Variants in ADAD1 observed in about 807,000 individuals in gnomAD.
ADAD1 encodes adenosine deaminase domain containing 1, also known as adenosine deaminase domain-containing protein 1.
Under a neutral mutation model 66.8 loss-of-function variants are expected in ADAD1, and 46 were observed. That is an observed-to-expected ratio of 0.69 (90% CI 0.54 to 0.88). The LOEUF is 0.88. Ranked by LOEUF, ADAD1 falls within the 40% of genes least tolerant of loss-of-function variation. The pLI is 0.00. For synonymous variants in ADAD1, 248 were observed against 229.4 expected (o/e 1.08, Z -0.73); for missense variants, 617 against 681.8 (o/e 0.91, Z 1.06).
Position 122,407,927 on chromosome 4 carries a change from A to C in ADAD1, c.744A>C (p.Val248=). ...IIERAGQHEV[V]AIGTGEYNYS... ...TTTCAGCTGGACAACATGAGGTTGT[A>C]GCTATAGGCACAGGTGAATACAATT... Residue 248 remains valine (V), a synonymous_variant, in exon 8 of 13, where the codon GTA becomes GTC. Coordinates refer to ENST00000296513, the MANE Select transcript of ADAD1 (RefSeq NM_139243.4). 6.2e-7 allele frequency: 1 copy of C among 1,613,514 alleles called. No homozygotes were observed. The highest frequency in any genetic ancestry group is 8.5e-7 in the Non-Finnish European group (1 of 1,179,646).
At chr4:122,395,631 C>T (rs1286566168) in intron 6 of ADAD1, among the ~76,000 whole-genome samples, 1 of 151,340 alleles carries the variant, frequency 6.6e-6, no homozygotes, top group Non-Finnish European at 1.5e-5. Context: ...TGCCACTGCA[C>T]TCCAGTCTGG....
rs185167794 is a variant in ADAD1 at position 122,416,101 on chromosome 4, C to T, written c.1487+485C>T. Among the ~76,000 whole-genome samples, 8 of 152,184 alleles carry T rather than the reference C, an allele frequency of 5.3e-5. No homozygotes were observed. In the South Asian group the frequency reaches 1.0e-3, roughly 20 times the overall value. Reference sequence around the variant, plus strand: ...ACTGTGTTATACTGTCTTATAATAACCCTGTAGGTTGAGAGATTTTATTTA... The same window carrying T: ...ACTGTGTTATACTGTCTTATAATAATCCTGTAGGTTGAGAGATTTTATTTA... On this transcript the variant is annotated intron_variant, in intron 11 of 12. Coordinates refer to ENST00000296513, the MANE Select transcript of ADAD1 (RefSeq NM_139243.4).
In ADAD1 at chr4:122,385,146, C is replaced by G. The variant is rs189494469; in HGVS notation, c.529+1180C>G. On this transcript the variant is annotated intron_variant, in intron 5 of 12. Coordinates refer to ENST00000296513, the MANE Select transcript of ADAD1 (RefSeq NM_139243.4). ...TAACAATTTTTCTAGTCTTCTCCTT[C>G]TTATTCACAACATAAAACTTTTAAA... is the stretch of plus-strand genomic sequence containing the variant. Among the ~76,000 whole-genome samples the G allele has an allele frequency of 1.1e-4, 16 of 152,208 alleles. No homozygotes were observed. The South Asian group carries it at 1.2e-3, about 12-fold the overall frequency.
rs1338848383 is a variant in ADAD1, at chr4:122,392,388, T to A, written c.530-1201T>A. ...TGCAGCCATTAAAAAAATAAAGTCA[T>A]GTCCTTTGCAGCAACATGGATGGAG... On this transcript the variant is annotated intron_variant, in intron 5 of 12. Transcript: ENST00000296513. 3.3e-5 allele frequency among the ~76,000 whole-genome samples: 5 copies of A among 152,276 alleles called. No homozygotes were observed. The South Asian group carries it at 6.2e-4, about 19-fold the overall frequency.
At chr4:122,381,673 C>G (rs1794904030) in intron 4 of ADAD1, among the ~76,000 whole-genome samples, 1 of 152,154 alleles carries the variant, frequency 6.6e-6, no homozygotes, top group Non-Finnish European at 1.5e-5. Context: ...AATCTGTAAC[C>G]ATGCTGTGCC....
chr4:122,384,501 A>G (rs1795066506), intron 5 of ADAD1, among the ~76,000 whole-genome samples: 1 of 152,188 alleles, frequency 6.6e-6, no homozygotes, highest in South Asian at 2.1e-4. Context: ...AGTGATAGTT[A>G]TACCTTCTGT....
At chr4:122,389,074 C>T (rs1795318131) in intron 5 of ADAD1, among the ~76,000 whole-genome samples, 1 of 152,066 alleles carries the variant, frequency 6.6e-6, no homozygotes, top group African/African-American at 2.4e-5. Context: ...TCTCTTTGTT[C>T]TTATTGGTTT....
rs138929556 is a variant in ADAD1, at chr4:122,398,437, G to A, written c.724+2060G>A. Among the ~76,000 whole-genome samples, 3 of 152,110 alleles carry A rather than the reference G, an allele frequency of 2.0e-5. No homozygotes were observed. The East Asian group carries it at 5.8e-4, about 29-fold the overall frequency. Reference sequence around the variant, plus strand: ...AGTTGCAAATTGTGCTGCTATAAACGTGTGTGCAAGTGTCTTTTTCATATA... The same window carrying A: ...AGTTGCAAATTGTGCTGCTATAAACATGTGTGCAAGTGTCTTTTTCATATA... On this transcript the variant is annotated intron_variant, in intron 7 of 12. Coordinates refer to ENST00000296513, the MANE Select transcript of ADAD1 (RefSeq NM_139243.4).
chr4:122,408,722 A>T (rs1338532686), intron 8 of ADAD1, among the ~76,000 whole-genome samples: 1 of 152,040 alleles, frequency 6.6e-6, no homozygotes, highest in Non-Finnish European at 1.5e-5. Flanking sequence ...TAGTTTCTAC[A>T]AAAAAATAAA....
At position 122,396,268 on chromosome 4, in the gene ADAD1, A is replaced by T; in HGVS notation, c.615A>T (p.Gln205His). ...SKVHYEGRHI[Q>H]YAKISQIVKE... Reference sequence around the variant, plus strand: ...TTTTTCTAGAAGGGAGACATATTCAATATGCAAAGATTTCACAGATCGTTA... The same window carrying T: ...TTTTTCTAGAAGGGAGACATATTCATTATGCAAAGATTTCACAGATCGTTA... The change falls in exon 7 of 13, where the codon CAA becomes CAT. Residue 205 changes from glutamine (Q) to histidine (H), a missense_variant. Coordinates refer to ENST00000296513, the MANE Select transcript of ADAD1 (RefSeq NM_139243.4). 1 of 1,589,488 alleles carries T rather than the reference A, an allele frequency of 6.3e-7. No homozygotes were observed. Among genetic ancestry groups the T allele is most frequent in the Non-Finnish European group, 8.5e-7 (1 of 1,170,786 alleles).
intron 7 of ADAD1, among the ~76,000 whole-genome samples, chr4:122,406,225 C>T (rs936323585): frequency 2.6e-5 from 4 of 152,138 alleles, no homozygotes; most frequent in Admixed American, 6.6e-5. Flanking sequence ...TACATCCTCA[C>T]GAAAACTTAC....
At chr4:122,402,121 A>G (rs1385319144) in intron 7 of ADAD1, among the ~76,000 whole-genome samples, 2 of 151,316 alleles carry the variant, frequency 1.3e-5, no homozygotes, top group Admixed American at 1.3e-4. Flanking sequence ...ATGAGCTTCT[A>G]TTTTGGTGTA....
At chr4:122,393,681 C>T in intron 6 of ADAD1, 24 bp downstream of exon 6, 1 of 1,543,948 alleles carries the variant, frequency 6.5e-7, no homozygotes, top group Non-Finnish European at 8.8e-7. Context: ...TTGTGACGTT[C>T]TTCTTTAGAA....
chr4:122,408,013 C>G lies in ADAD1; in HGVS notation c.830C>G (p.Ala277Gly). The G allele has an allele frequency of 6.2e-7, 1 of 1,612,942 alleles. No individual in the cohort carries two copies. Among genetic ancestry groups the G allele is most frequent in the African/African-American group, 1.3e-5 (1 of 74,980 alleles). Residue 277 changes from alanine (A) to glycine (G), a missense_variant, in exon 8 of 13, where the codon GCA (alanine) becomes GGA (glycine). Physicochemically the swap from Ala to Gly is moderately conservative, Grantham distance 60. Transcript: ENST00000296513. ...VLHDTHAVVTARRSLLRYFYR... is the reference protein window; with the variant it reads ...VLHDTHAVVTGRRSLLRYFYR... ...CATGACACTCATGCTGTTGTTACAG[C>G]AAGAAGGTCTCTTCTTAGGTAAGAC... is the stretch of plus-strand genomic sequence containing the variant.
intron 12 of ADAD1, among the ~76,000 whole-genome samples, chr4:122,425,766 A>G (rs767402052): frequency 2.3e-4 from 35 of 152,010 alleles, no homozygotes; most frequent in Non-Finnish European, 4.4e-4. Flanking sequence ...ATGCCATTTT[A>G]TATAAGGGAC....
At chr4:122,420,295 G>C (rs1796942313) in intron 11 of ADAD1, among the ~76,000 whole-genome samples, 1 of 152,288 alleles carries the variant, frequency 6.6e-6, no homozygotes, top group East Asian at 1.9e-4. Flanking sequence ...TCAGCTGAAT[G>C]GTTTTTCTGG....
chr4:122,393,672 T>G lies in ADAD1; in HGVS notation c.598+15T>G, dbSNP rs1561536531. ...AGTACATTATGGTAGGAAAGTTTTT[T>G]GTGACGTTCTTCTTTAGAAGAGTAG... On this transcript the variant is annotated intron_variant, in intron 6 of 12. Coordinates refer to ENST00000296513, the MANE Select transcript of ADAD1 (RefSeq NM_139243.4). 2 of 1,565,948 alleles carry G rather than the reference T, an allele frequency of 1.3e-6. No individual in the cohort carries two copies. Among genetic ancestry groups the G allele is most frequent in the Non-Finnish European group, 1.7e-6 (2 of 1,154,092 alleles).
chr4:122,398,931 A>T (rs1253004162), intron 7 of ADAD1, among the ~76,000 whole-genome samples: 1 of 150,988 alleles, frequency 6.6e-6, no homozygotes. Flanking sequence ...TTGTCTGATT[A>T]CTCTGCTGAT....
intron 10 of ADAD1, 44 bp downstream of exon 10, chr4:122,412,853 C>T (rs1001515715): frequency 1.3e-6 from 2 of 1,487,950 alleles, no homozygotes; most frequent in East Asian, 4.5e-5. Flanking sequence ...ACTCACTAAG[C>T]AAATTCTCTG....
Sources: allele counts gnomAD v4.1 joint callset (sites outside exome capture counted in the v4.1 genomes callset), GRCh38; gene constraint gnomAD v4.1.1; transcripts MANE v1.5; gene names NCBI Gene and HGNC (gene_info 2026-07-23, HGNC 2026-07-21).